Variants in ST7 observed in about 807,000 individuals in gnomAD.
The protein encoded by ST7 is suppressor of tumorigenicity 7 protein.
A neutral mutation model predicts 78.7 loss-of-function variants in ST7; 28 were observed. The observed-to-expected ratio is 0.36, with a 90% CI of 0.26 to 0.49. ST7 has a LOEUF of 0.49. ST7 is among the 20% of genes least tolerant of loss of function. The probability of loss-of-function intolerance (pLI) is 0.99; values close to 1 mark genes in which losing one functional copy is unlikely to be tolerated. For synonymous variants in ST7, 247 were observed against 249.6 expected (o/e 0.99, Z 0.10); for missense variants, 418 against 696.0 (o/e 0.60, Z 4.49).
chr7:117,178,931 A>T (rs1268230587), intron 10 of ST7, among the ~76,000 whole-genome samples: 1 of 152,204 alleles, frequency 6.6e-6, no homozygotes, highest in Admixed American at 6.5e-5. Context: ...TTTCAGCAGC[A>T]GCATTCCAAT....
At chr7:116,978,752 A>T (rs560078237) in intron 1 of ST7, among the ~76,000 whole-genome samples, 18 of 151,912 alleles carry the variant, frequency 1.2e-4, no homozygotes, top group Non-Finnish European at 1.5e-4. Flanking sequence ...GGTCCAGCTA[A>T]TTTTTTGTAT....
intron 9 of ST7, among the ~76,000 whole-genome samples, chr7:117,140,032 C>G (rs1805143492): frequency 6.6e-6 from 1 of 152,112 alleles, no homozygotes; most frequent in Non-Finnish European, 1.5e-5. Flanking sequence ...CATTGAGGAG[C>G]TAATTTTGGT....
At chr7:116,960,325 G>T (rs1337295180) in intron 1 of ST7, among the ~76,000 whole-genome samples, 1 of 152,028 alleles carries the variant, frequency 6.6e-6, no homozygotes, top group Non-Finnish European at 1.5e-5. Context: ...AAGTAGCTGG[G>T]ATTACAGGTG....
intron 13 of ST7, among the ~76,000 whole-genome samples, chr7:117,218,264 T>G (rs983630285): frequency 2.6e-5 from 4 of 152,174 alleles, no homozygotes; most frequent in Non-Finnish European, 1.5e-5. Context: ...CAGGCTGTAG[T>G]AAGAGGACAT....
chr7:117,180,153 T>A (rs1268474647), intron 10 of ST7, among the ~76,000 whole-genome samples: 4 of 152,168 alleles, frequency 2.6e-5, no homozygotes, highest in African/African-American at 9.7e-5. Context: ...TACAAGAAAC[T>A]GAACCCTATG....
intron 1 of ST7, among the ~76,000 whole-genome samples, chr7:117,000,044 CTCGTGA>C (rs1340651508): frequency 6.6e-6 from 1 of 152,110 alleles, no homozygotes; most frequent in African/African-American, 2.4e-5. Context: ...ATCTCCTGAC[CTCGTGA>C]TCCACCCACC....
intron 1 of ST7, among the ~76,000 whole-genome samples, chr7:117,052,921 G>A (rs955621929): frequency 9.9e-5 from 15 of 151,894 alleles, no homozygotes; most frequent in South Asian, 2.1e-4. Context: ...ACAAACAAAC[G>A]AAAAAATCTA....
At chr7:117,215,037 G>A (rs59817376) in intron 13 of ST7, among the ~76,000 whole-genome samples, 7,315 of 151,664 alleles carry the variant, frequency 0.048, 601 homozygotes, top group African/African-American at 0.17. Flanking sequence ...CACACTATCT[G>A]TCATGACAGT....
At chr7:117,166,143 A>G (rs1161912666) in intron 9 of ST7, among the ~76,000 whole-genome samples, 5 of 152,216 alleles carry the variant, frequency 3.3e-5, no homozygotes, top group African/African-American at 1.2e-4. Context: ...AATATCATCA[A>G]CTAGAAATAA....
chr7:117,132,510 A>G (rs1188400493), intron 6 of ST7, among the ~76,000 whole-genome samples: 1 of 151,888 alleles, frequency 6.6e-6, no homozygotes, highest in African/African-American at 2.4e-5. Context: ...AGATTCTTAA[A>G]GTTGGAGTCA....
At chr7:116,975,866 C>T (rs938035841) in intron 1 of ST7, among the ~76,000 whole-genome samples, 1 of 152,076 alleles carries the variant, frequency 6.6e-6, no homozygotes, top group African/African-American at 2.4e-5. Flanking sequence ...TTGGAAGTGC[C>T]GTTTGCTGGG....
At chr7:117,209,440 T>C (rs1792103210) in intron 12 of ST7, among the ~76,000 whole-genome samples, 2 of 152,266 alleles carry the variant, frequency 1.3e-5, no homozygotes, top group South Asian at 4.1e-4. Context: ...AACCTTCATG[T>C]GTCTGTTTTA....
intron 1 of ST7, among the ~76,000 whole-genome samples, chr7:117,078,443 T>C (rs1254511149): frequency 6.6e-6 from 1 of 152,266 alleles, no homozygotes. Flanking sequence ...TATTTGGTTA[T>C]CATATAAGCA....
At chr7:117,140,744 A>G (rs1012233589) in intron 9 of ST7, among the ~76,000 whole-genome samples, 2 of 152,166 alleles carry the variant, frequency 1.3e-5, no homozygotes, top group Non-Finnish European at 2.9e-5. Context: ...TTAGAATACC[A>G]ATACATGTGC....
chr7:117,103,890 A>G (rs1360409495), intron 2 of ST7, among the ~76,000 whole-genome samples: 2 of 152,260 alleles, frequency 1.3e-5, no homozygotes, highest in Non-Finnish European at 2.9e-5. Flanking sequence ...AAATAACTCA[A>G]TAGCAAAACC....
Position 117,136,245 on chromosome 7 carries a change from C to T in ST7, c.865+10C>T, listed in dbSNP as rs754411657. ...TATGAAGCCCAACATAGTAAGGTTTCCTGCAGGTTGATGCATTGGGGGATC... is the reference window on the plus strand; with the variant it reads ...TATGAAGCCCAACATAGTAAGGTTTTCTGCAGGTTGATGCATTGGGGGATC... On this transcript the variant is annotated intron_variant, in intron 8 of 15. Transcript: ENST00000323984. The T allele has an allele frequency of 2.0e-5, 32 of 1,613,454 alleles. No homozygotes were observed. Among genetic ancestry groups the T allele is most frequent in the Admixed American group, 6.7e-5 (4 of 59,932 alleles).
intron 1 of ST7, chr7:117,073,725 TTAA>T (rs1233301330): frequency 6.6e-6 from 1 of 152,190 alleles, no homozygotes; most frequent in Admixed American, 6.5e-5. Flanking sequence ...GTTATGAGAA[TTAA>T]TAATAATATT....
intron 13 of ST7, among the ~76,000 whole-genome samples, chr7:117,213,673 C>T (rs1792467578): frequency 1.3e-5 from 2 of 151,904 alleles, no homozygotes; most frequent in Middle Eastern, 3.4e-3. Flanking sequence ...TCCTCAACCA[C>T]AAATACATCA....
At chr7:117,089,254 A>G (rs753804615) in intron 1 of ST7, among the ~76,000 whole-genome samples, 10 of 152,218 alleles carry the variant, frequency 6.6e-5, no homozygotes, top group Non-Finnish European at 1.0e-4. Context: ...AGAACTATGT[A>G]TATATCATAT....
Sources: gnomAD v4.1 joint callset for allele counts (sites outside exome capture counted in the v4.1 genomes callset) on GRCh38, gnomAD v4.1.1 for gene constraint, MANE v1.5 for transcripts, NCBI Gene and HGNC (gene_info 2026-07-23, HGNC 2026-07-21) for gene names.